The following FBXL18 variants were observed in gnomAD, a reference collection of about 807,000 sequenced individuals.
The protein encoded by FBXL18 is F-box/LRR-repeat protein 18.
A neutral mutation model predicts 46.0 loss-of-function variants in FBXL18; 36 were observed. That is an observed-to-expected ratio of 0.78 (90% CI 0.60 to 1.03). The LOEUF (loss-of-function observed/expected upper bound fraction) is 1.03, where lower values mean the gene tolerates loss of function less well. Among genes scored for constraint, FBXL18 ranks in the 50% least tolerant of loss-of-function variants. The probability of loss-of-function intolerance (pLI) is 0.00; values close to 1 mark genes in which losing one functional copy is unlikely to be tolerated. For missense variants in FBXL18, 977 were observed against 1,004.1 expected, an observed-to-expected ratio of 0.97 and a Z score of 0.36; for synonymous variants, 557 against 465.3, an observed-to-expected ratio of 1.20 and a Z score of -2.54.
chr7:5,493,717 G>T (rs1183231065), intron 3 of FBXL18, among the ~76,000 whole-genome samples: 1 of 151,240 alleles, frequency 6.6e-6, no homozygotes, highest in African/African-American at 2.4e-5. Context: ...GTCTCACTAT[G>T]TTGCCCAGGC....
intron 4 of FBXL18, among the ~76,000 whole-genome samples, chr7:5,463,728 ATTTTTTTTTTTTTTTTTT>A (rs552002078): frequency 9.1e-4 from 48 of 52,986 alleles, no homozygotes; most frequent in Admixed American, 1.7e-3. Flanking sequence ...TTATTTATTT[ATTTTTTTTTTTTTTTTTT>A]TTTTTTTTTT....
At chr7:5,492,478 G>A (rs1783954551) in intron 3 of FBXL18, among the ~76,000 whole-genome samples, 1 of 151,762 alleles carries the variant, frequency 6.6e-6, no homozygotes, top group African/African-American at 2.4e-5. Flanking sequence ...GGTGGGGGGA[G>A]GAGCCGCTGG....
At chr7:5,490,243 T>C (rs1783886838) in intron 4 of FBXL18, 3 of 1,305,458 alleles carry the variant, frequency 2.3e-6, no homozygotes, top group African/African-American at 1.5e-5. Context: ...AGGGCGTTCA[T>C]GTCCTGCTGC....
chr7:5,486,343 T>C (rs928157621), intron 4 of FBXL18, among the ~76,000 whole-genome samples: 7 of 148,232 alleles, frequency 4.7e-5, no homozygotes, highest in East Asian at 2.0e-4. Context: ...CTATTGAACC[T>C]GGGAGGTGGA....
chr7:5,470,356 C>G (rs1783407800), intron 4 of FBXL18, among the ~76,000 whole-genome samples: 1 of 152,170 alleles, frequency 6.6e-6, no homozygotes, highest in South Asian at 2.1e-4. Flanking sequence ...CCCCTCCACC[C>G]TGCCCCCAAG....
At chr7:5,492,199 C>T (rs556450121) in intron 3 of FBXL18, among the ~76,000 whole-genome samples, 2 of 147,358 alleles carry the variant, frequency 1.4e-5, no homozygotes, top group African/African-American at 5.0e-5. Flanking sequence ...AAGTAGGGGA[C>T]GACATTCTAG....
chr7:5,491,269 G>C lies in FBXL18; in HGVS notation c.1962C>G (p.Leu654=). ...VMCHLFTGES[L]ATCKSLQQSL... ...ACTGCTGCAGGCTCTTGCAGGTGGCGAGGGACTCCCCGGTGAACAGGTGGC... is the reference window on the plus strand; with the variant it reads ...ACTGCTGCAGGCTCTTGCAGGTGGCCAGGGACTCCCCGGTGAACAGGTGGC... Residue 654 remains leucine, a synonymous_variant, in exon 4 of 5, where the codon CTC becomes CTG. Coordinates refer to ENST00000382368, the MANE Select transcript of FBXL18 (RefSeq NM_024963.6). 1.2e-6 allele frequency: 2 copies of C among 1,613,246 alleles called. No homozygotes were observed. The highest frequency in any genetic ancestry group is 1.7e-6 in the Non-Finnish European group (2 of 1,179,824).
chr7:5,512,584 G>A (rs1033690128), intron 1 of FBXL18, among the ~76,000 whole-genome samples: 1 of 151,970 alleles, frequency 6.6e-6, no homozygotes, highest in African/African-American at 2.4e-5. Context: ...CAGCCTGGGC[G>A]ACAGAGCGAG....
chr7:5,496,699 C>T lies in FBXL18; in HGVS notation c.1781+3789G>A, dbSNP rs1033344669. ...GAGTTCAAGACCAGCCCGGGCAACACAGCAAGACCCCGTCTCTACAAAAAA... is the reference window on the plus strand; with the variant it reads ...GAGTTCAAGACCAGCCCGGGCAACATAGCAAGACCCCGTCTCTACAAAAAA... On this transcript the variant is annotated intron_variant, in intron 3 of 4. Coordinates refer to ENST00000382368, the MANE Select transcript of FBXL18 (RefSeq NM_024963.6). The surrounding 1 kb of genome is among the most constrained non-coding windows in gnomAD (Gnocchi z 4.8). Among the ~76,000 whole-genome samples the T allele has an allele frequency of 2.0e-5, 3 of 152,078 alleles. No homozygotes were observed. In the South Asian group the frequency reaches 6.2e-4, roughly 31 times the overall value.
intron 4 of FBXL18, among the ~76,000 whole-genome samples, chr7:5,482,237 C>T (rs59055915): frequency 0.44 from 66,332 of 152,074 alleles, 14,782 homozygotes; most frequent in East Asian, 0.7. Context: ...GCTCTGCAGA[C>T]GTGCTGCTGG....
chr7:5,500,246 A>G (rs1784198459), intron 3 of FBXL18, among the ~76,000 whole-genome samples: 1 of 152,046 alleles, frequency 6.6e-6, no homozygotes. Context: ...TAGTAGGGCC[A>G]GGCAGTCACT....
At chr7:5,469,150 G>T (rs144754733) in intron 4 of FBXL18, among the ~76,000 whole-genome samples, 2 of 152,130 alleles carry the variant, frequency 1.3e-5, no homozygotes, top group African/African-American at 2.4e-5. Flanking sequence ...TGTGGCTCAC[G>T]CCTGTAATCC....
At chr7:5,499,046 T>C (rs1188762345) in intron 3 of FBXL18, among the ~76,000 whole-genome samples, 1 of 146,940 alleles carries the variant, frequency 6.8e-6, no homozygotes, top group Non-Finnish European at 1.5e-5. Context: ...CCATGGGCCC[T>C]GGACACTGTC....
intron 4 of FBXL18, among the ~76,000 whole-genome samples, chr7:5,488,720 C>T (rs1028559662): frequency 3.3e-5 from 5 of 152,220 alleles, no homozygotes; most frequent in East Asian, 3.9e-4. Flanking sequence ...CAAGCGCAAG[C>T]GTATGGGGGG....
At chr7:5,488,760 C>T (rs180765205) in intron 4 of FBXL18, among the ~76,000 whole-genome samples, 123 of 152,346 alleles carry the variant, frequency 8.1e-4, no homozygotes, top group Non-Finnish European at 1.2e-3. Context: ...CCACATCTGA[C>T]AGGACAGAGC....
chr7:5,462,252 A>C (rs1317044116), intron 4 of FBXL18, among the ~76,000 whole-genome samples: 1 of 152,158 alleles, frequency 6.6e-6, no homozygotes, highest in Admixed American at 6.5e-5. Flanking sequence ...GAAAAGAAAC[A>C]AAATCCTCAC....
At chr7:5,462,112 T>C (rs4640961) in intron 4 of FBXL18, among the ~76,000 whole-genome samples, 139,181 of 152,056 alleles carry the variant, frequency 0.92, 63,725 homozygotes, top group East Asian at 0.95. Context: ...CCTGTAATCC[T>C]AGCTACTCAG....
At chr7:5,482,973 G>A (rs1783685968) in intron 4 of FBXL18, among the ~76,000 whole-genome samples, 1 of 151,892 alleles carries the variant, frequency 6.6e-6, no homozygotes, top group African/African-American at 2.4e-5. Context: ...AGGAGGTAGA[G>A]GCGGCAGTGA....
At chr7:5,497,030 C>CAAAAA (rs34719109) in intron 3 of FBXL18, among the ~76,000 whole-genome samples, 1 of 69,474 alleles carries the variant, frequency 1.4e-5, no homozygotes, top group African/African-American at 6.1e-5. Context: ...GACTCTGTCT[C>CAAAAA]AAAAAAAAAA....
Sources: allele counts gnomAD v4.1 joint callset (sites outside exome capture counted in the v4.1 genomes callset), GRCh38; gene constraint gnomAD v4.1.1; non-coding constraint Gnocchi (gnomAD v3.1); transcripts MANE v1.5; gene names NCBI Gene and HGNC (gene_info 2026-07-23, HGNC 2026-07-21).